ALCAM: variants seen among roughly 807,000 people sequenced by gnomAD.
The protein encoded by ALCAM is CD166 antigen.
In ALCAM, 30 loss-of-function variants were observed where a neutral mutation model predicts 70.9. The ratio of observed to expected loss-of-function variants is 0.42; its 90% CI spans 0.32 to 0.57. The LOEUF (loss-of-function observed/expected upper bound fraction) is 0.57, where lower values mean the gene tolerates loss of function less well. ALCAM is among the 20% of genes least tolerant of loss of function. The pLI is 0.11. For missense variants in ALCAM, 591 were observed against 695.1 expected (o/e 0.85, Z 1.68); for synonymous variants, 249 against 242.5 (o/e 1.03, Z -0.25).
chr3:105,374,674 G>A (rs538211185), intron 1 of ALCAM, among the ~76,000 whole-genome samples: 4 of 152,016 alleles, frequency 2.6e-5, no homozygotes, highest in East Asian at 2.0e-4. Context: ...CCACCAGCTC[G>A]CCCAGCTAAT....
chr3:105,493,177 A>G lies in ALCAM; in HGVS notation c.74-26890A>G, dbSNP rs115361523. 5.7e-3 allele frequency among the ~76,000 whole-genome samples: 869 copies of G among 152,290 alleles called. 7 individuals carry two copies. Among genetic ancestry groups the G allele is most frequent in the African/African-American group, 0.02 (839 of 41,556 alleles). ...TAACTGCTTGGATAGCCTTTTGCAAATCATTTCACATAATTTGGTCTCTCA... is the reference window on the plus strand; with the variant it reads ...TAACTGCTTGGATAGCCTTTTGCAAGTCATTTCACATAATTTGGTCTCTCA... On this transcript the variant is annotated intron_variant, in intron 1 of 15. Coordinates refer to ENST00000306107, the MANE Select transcript of ALCAM (RefSeq NM_001627.4).
intron 2 of ALCAM, among the ~76,000 whole-genome samples, chr3:105,522,341 G>A (rs190506683): frequency 6.6e-6 from 1 of 151,822 alleles, no homozygotes; most frequent in Non-Finnish European, 1.5e-5. Flanking sequence ...TAAGCAAAAG[G>A]CTTCAGCAAT....
intron 1 of ALCAM, among the ~76,000 whole-genome samples, chr3:105,490,651 G>A (rs1408577520): frequency 6.6e-6 from 1 of 152,158 alleles, no homozygotes; most frequent in Non-Finnish European, 1.5e-5. Flanking sequence ...CTTGCCCCAT[G>A]CAAGTACAAA....
At chr3:105,445,328 A>G (rs1283464922) in intron 1 of ALCAM, among the ~76,000 whole-genome samples, 1 of 152,170 alleles carries the variant, frequency 6.6e-6, no homozygotes, top group African/African-American at 2.4e-5. Context: ...AAAAAACTGA[A>G]GAAGACACAA....
At chr3:105,403,166 C>T (rs979109215) in intron 1 of ALCAM, among the ~76,000 whole-genome samples, 2 of 152,010 alleles carry the variant, frequency 1.3e-5, no homozygotes, top group African/African-American at 4.8e-5. Flanking sequence ...AGGCTGGTCT[C>T]GAATTCCTGA....
At chr3:105,548,059 G>T (rs1346045724) in intron 11 of ALCAM, among the ~76,000 whole-genome samples, 1 of 151,474 alleles carries the variant, frequency 6.6e-6, no homozygotes, top group African/African-American at 2.4e-5. Flanking sequence ...AATAAGGCAA[G>T]CTACATATAT....
intron 1 of ALCAM, among the ~76,000 whole-genome samples, chr3:105,494,190 A>T (rs1056370036): frequency 2.0e-5 from 3 of 152,142 alleles, no homozygotes; most frequent in Admixed American, 1.3e-4. Context: ...GGGGGGGAAA[A>T]AGCTATTATA....
intron 1 of ALCAM, among the ~76,000 whole-genome samples, chr3:105,448,130 G>A (rs981919197): frequency 6.6e-6 from 1 of 152,124 alleles, no homozygotes; most frequent in Non-Finnish European, 1.5e-5. Context: ...GCTACTTAAA[G>A]TTCATCTGAA....
At chr3:105,522,840 C>A (rs1487875639) in intron 2 of ALCAM, among the ~76,000 whole-genome samples, 1 of 152,102 alleles carries the variant, frequency 6.6e-6, no homozygotes, top group Non-Finnish European at 1.5e-5. Flanking sequence ...CCAATTACTG[C>A]ATAGAAAGCC....
rs533313936 is a variant in ALCAM, at chr3:105,450,609, T to C, written c.74-69458T>C. On this transcript the variant is annotated intron_variant, in intron 1 of 15. Transcript: ENST00000306107. ...AAACTAATGATAATAATAGTAATAT[T>C]TGTCATATACTTGAGTACTTTTAAT... 1.4e-4 allele frequency among the ~76,000 whole-genome samples: 21 copies of C among 152,326 alleles called. No homozygotes were observed. The South Asian group carries it at 4.1e-3, about 30-fold the overall frequency.
chr3:105,391,961 C>G (rs1935831502), intron 1 of ALCAM, among the ~76,000 whole-genome samples: 2 of 152,008 alleles, frequency 1.3e-5, no homozygotes, highest in African/African-American at 2.4e-5. Context: ...TGATGTGCTG[C>G]TGGATCAGTA....
chr3:105,367,602 C>A, intron 1 of ALCAM, 121 bp downstream of exon 1: 1 of 1,160,458 alleles, frequency 8.6e-7, no homozygotes. Context: ...GGTAAGGGGA[C>A]CGCTGTCCTG....
chr3:105,504,200 T>C (rs1029624609), intron 1 of ALCAM, among the ~76,000 whole-genome samples: 7 of 152,118 alleles, frequency 4.6e-5, no homozygotes, highest in Admixed American at 2.0e-4. Flanking sequence ...CTCAAACCTC[T>C]AGGGAGCACA....
intron 1 of ALCAM, among the ~76,000 whole-genome samples, chr3:105,409,214 A>G (rs1395075507): frequency 6.6e-6 from 1 of 152,120 alleles, no homozygotes; most frequent in Admixed American, 6.6e-5. Flanking sequence ...CCCAGAGGAA[A>G]AGAAGTCATA....
chr3:105,428,157 T>C (rs1404235225), intron 1 of ALCAM, among the ~76,000 whole-genome samples: 1 of 151,998 alleles, frequency 6.6e-6, no homozygotes, highest in African/African-American at 2.4e-5. Flanking sequence ...AAATACCCCA[T>C]GACTGAGTAA....
intron 2 of ALCAM, among the ~76,000 whole-genome samples, chr3:105,521,039 C>T (rs1011969497): frequency 6.6e-6 from 1 of 152,064 alleles, no homozygotes. Context: ...CGGTGGCTCA[C>T]GCCTGTAATC....
intron 1 of ALCAM, among the ~76,000 whole-genome samples, chr3:105,473,615 T>A (rs1265036873): frequency 6.6e-6 from 1 of 151,632 alleles, no homozygotes; most frequent in East Asian, 1.9e-4. Flanking sequence ...ACAATGTGCA[T>A]GACCATAAAC....
chr3:105,519,396 A>G (rs1476225727), intron 1 of ALCAM, among the ~76,000 whole-genome samples: 2 of 152,010 alleles, frequency 1.3e-5, no homozygotes, highest in Non-Finnish European at 2.9e-5. Flanking sequence ...ATTGTCTTCC[A>G]AAAATTCACA....
intron 1 of ALCAM, among the ~76,000 whole-genome samples, chr3:105,439,730 A>G (rs1937130365): frequency 6.6e-6 from 1 of 152,214 alleles, no homozygotes; most frequent in Non-Finnish European, 1.5e-5. Flanking sequence ...CAGAGAGCAG[A>G]ATGAATTCAA....
Sources: gnomAD v4.1 joint callset for allele counts (sites outside exome capture counted in the v4.1 genomes callset) on GRCh38, gnomAD v4.1.1 for gene constraint, MANE v1.5 for transcripts, NCBI Gene and HGNC (gene_info 2026-07-23, HGNC 2026-07-21) for gene names.